TMEM170B: variants seen among roughly 807,000 people sequenced by gnomAD.
The protein encoded by TMEM170B is transmembrane protein 170B.
A neutral mutation model predicts 13.0 loss-of-function variants in TMEM170B; 6 were observed. The observed-to-expected ratio is 0.46, with a 90% CI of 0.25 to 0.91. The LOEUF (loss-of-function observed/expected upper bound fraction) is 0.91. Among genes scored for constraint, TMEM170B ranks in the 40% least tolerant of loss-of-function variants. The pLI is 0.17. For missense variants in TMEM170B, 138 were observed against 165.2 expected (o/e 0.84, Z 0.90); for synonymous variants, 61 against 64.9 (o/e 0.94, Z 0.29).
At chr6:11,574,775 C>T (rs1259012094) in intron 2 of TMEM170B, among the ~76,000 whole-genome samples, 1 of 152,084 alleles carries the variant, frequency 6.6e-6, no homozygotes, top group Non-Finnish European at 1.5e-5. Flanking sequence ...CAGAAGTGTA[C>T]ATTACCTAAG....
At chr6:11,556,766 C>G (rs958866793) in intron 1 of TMEM170B, among the ~76,000 whole-genome samples, 1 of 152,160 alleles carries the variant, frequency 6.6e-6, no homozygotes, top group Non-Finnish European at 1.5e-5. Flanking sequence ...CTACCCTTCC[C>G]TAAACTGGAG....
At chr6:11,566,826 G>C (rs773018965) in intron 2 of TMEM170B, among the ~76,000 whole-genome samples, 1 of 152,324 alleles carries the variant, frequency 6.6e-6, no homozygotes, top group African/African-American at 2.4e-5. Context: ...GCGAGCATGC[G>C]CAGTGTGTTT....
rs995741727 is a variant in TMEM170B, at chr6:11,537,969, G to T, written c.-309G>T. Among the ~76,000 whole-genome samples the T allele has an allele frequency of 6.6e-6, 1 of 151,388 alleles. No homozygotes were observed. The highest frequency in any genetic ancestry group is 1.5e-5 in the Non-Finnish European group (1 of 67,692). ...CTGCCCCTGAGAGGGAGCGGCGGCG[G>T]CCTCCTCCGCCCCGAGTCCTCGCTC... On this transcript the variant is annotated 5_prime_UTR_variant, in exon 1 of 3. Coordinates refer to ENST00000379426, the MANE Select transcript of TMEM170B (RefSeq NM_001100829.3).
chr6:11,554,898 T>C (rs1759569211), intron 1 of TMEM170B, among the ~76,000 whole-genome samples: 1 of 152,170 alleles, frequency 6.6e-6, no homozygotes, highest in Admixed American at 6.5e-5. Context: ...ATACAATTTA[T>C]TTTTAAGTCT....
chr6:11,559,830 A>G (rs987461346), intron 1 of TMEM170B, among the ~76,000 whole-genome samples: 14 of 152,032 alleles, frequency 9.2e-5, no homozygotes, highest in African/African-American at 2.7e-4. Flanking sequence ...ATAAAGAAAG[A>G]AAAAATATAT....
At chr6:11,551,473 C>T (rs1441414386) in intron 1 of TMEM170B, among the ~76,000 whole-genome samples, 1 of 152,080 alleles carries the variant, frequency 6.6e-6, no homozygotes, top group African/African-American at 2.4e-5. Flanking sequence ...AGACTAGGGG[C>T]ATCATAGCAG....
At chr6:11,548,259 G>A (rs1759466132) in intron 1 of TMEM170B, among the ~76,000 whole-genome samples, 2 of 152,112 alleles carry the variant, frequency 1.3e-5, no homozygotes, top group Admixed American at 1.3e-4. Flanking sequence ...TCAAAAAGTG[G>A]GCAAAGGATA....
chr6:11,559,598 G>T, intron 1 of TMEM170B, among the ~76,000 whole-genome samples: 1 of 152,274 alleles, frequency 6.6e-6, no homozygotes, highest in East Asian at 1.9e-4. Flanking sequence ...CCCTTGATCT[G>T]TATAGCACTT....
chr6:11,544,666 C>T (rs537522261), intron 1 of TMEM170B, among the ~76,000 whole-genome samples: 1 of 152,312 alleles, frequency 6.6e-6, no homozygotes, highest in Admixed American at 6.5e-5. Context: ...GTAGAGCATA[C>T]TAATCCCTCG....
rs540213847 is a variant in TMEM170B, at chr6:11,573,110, A to G, written c.269-2321A>G. Reference sequence around the variant, plus strand: ...ATCATCAGTTTGTTTTGCATATAGCAAATATTTTTCCAGTCTGTTCATTGA... The same window carrying G: ...ATCATCAGTTTGTTTTGCATATAGCGAATATTTTTCCAGTCTGTTCATTGA... On this transcript the variant is annotated intron_variant, in intron 2 of 2. Transcript: ENST00000379426. Among the ~76,000 whole-genome samples the G allele has an allele frequency of 2.0e-5, 3 of 152,288 alleles. No homozygotes were observed. The East Asian group carries it at 5.8e-4, about 29-fold the overall frequency.
chr6:11,562,365 A>C (rs2113775657), intron 1 of TMEM170B, among the ~76,000 whole-genome samples: 1 of 150,840 alleles, frequency 6.6e-6, no homozygotes, highest in Admixed American at 6.6e-5. Flanking sequence ...AGCCTCTAAA[A>C]GGCAAGTTTT....
intron 2 of TMEM170B, among the ~76,000 whole-genome samples, chr6:11,569,286 A>G (rs1759771009): frequency 6.6e-6 from 1 of 152,158 alleles, no homozygotes; most frequent in Non-Finnish European, 1.5e-5. Context: ...TACGGAGCAG[A>G]AATCCTTAGT....
At position 11,544,951 on chromosome 6, in the gene TMEM170B, T is replaced by G. The variant is rs542133127; in HGVS notation, c.97+6577T>G. ...TTTTAAAAAATCTACAATTAAATGTTTTTTTTTTGGCTTTACTTTTATTTT... is the reference window on the plus strand; with the variant it reads ...TTTTAAAAAATCTACAATTAAATGTGTTTTTTTTGGCTTTACTTTTATTTT... On this transcript the variant is annotated intron_variant, in intron 1 of 2. Coordinates refer to ENST00000379426, the MANE Select transcript of TMEM170B (RefSeq NM_001100829.3). Among the ~76,000 whole-genome samples the G allele has an allele frequency of 1.5e-3, 197 of 135,098 alleles. 2 individuals are homozygous for G. Among genetic ancestry groups the G allele is most frequent in the South Asian group, 8.1e-3 (32 of 3,956 alleles). The allele number at this position is 135,098 out of a possible 152,430, so 88.6% of individuals were successfully genotyped here. A position where few individuals can be genotyped will look rare whatever the true frequency, so the allele number is the denominator to read the frequency against.
At position 11,562,894 on chromosome 6, in the gene TMEM170B, CA is replaced by C. The variant is rs1167036379; in HGVS notation, c.98-2771del. Among the ~76,000 whole-genome samples the C allele has an allele frequency of 2.0e-5, 3 of 152,280 alleles. No homozygotes were observed. In the East Asian group the frequency reaches 5.8e-4, roughly 29 times the overall value. On this transcript the variant is annotated intron_variant, in intron 1 of 2. Transcript: ENST00000379426. ...ATCACTCATGTTGCTTTTTAATAAC[CA>C]TACCCTCCTTCCTTTTTAAGGAGTT...
At chr6:11,561,730 A>G (rs543149859) in intron 1 of TMEM170B, among the ~76,000 whole-genome samples, 8 of 152,348 alleles carry the variant, frequency 5.3e-5, no homozygotes, top group African/African-American at 1.9e-4. Flanking sequence ...AGAAAGAAAT[A>G]TAAAAGTAAA....
chr6:11,578,959 T>C lies in TMEM170B; in HGVS notation c.*3398T>C, dbSNP rs1030672014. 1 of 152,170 alleles carries C rather than the reference T, an allele frequency of 6.6e-6. No individual in the cohort carries two copies. The highest frequency in any genetic ancestry group is 2.4e-5 in the African/African-American group (1 of 41,422). The allele number at this position is 152,170 out of a possible 1,614,324, so 9.4% of individuals were successfully genotyped here. On this transcript the variant is annotated 3_prime_UTR_variant, in exon 3 of 3. Coordinates refer to ENST00000379426, the MANE Select transcript of TMEM170B (RefSeq NM_001100829.3). ...GCAAATAATTCTATTTTGTAAACAC[T>C]TCGTGTGGATCCACTATGTAAAGTG...
At chr6:11,566,896 A>G (rs1184518301) in intron 2 of TMEM170B, among the ~76,000 whole-genome samples, 2 of 152,182 alleles carry the variant, frequency 1.3e-5, no homozygotes, top group East Asian at 1.9e-4. Flanking sequence ...AATGCCCCCA[A>G]AGGTCATACT....
chr6:11,558,166 A>T (rs908941823), intron 1 of TMEM170B, among the ~76,000 whole-genome samples: 2 of 152,156 alleles, frequency 1.3e-5, no homozygotes, highest in African/African-American at 2.4e-5. Context: ...TTTTAAAAGG[A>T]GATATGATTC....
rs1759865585 is a variant in TMEM170B, at chr6:11,575,681, A to AT, written c.*121dup. ...GAATGTGGACTGAGCAGGTCAAAGCATAAGGAAGACCTTGAGCTGTGTGGA... is the reference window on the plus strand; with the variant it reads ...GAATGTGGACTGAGCAGGTCAAAGCATTAAGGAAGACCTTGAGCTGTGTGGA... On this transcript the variant is annotated 3_prime_UTR_variant, in exon 3 of 3. Transcript: ENST00000379426. The surrounding 1 kb of genome is among the most constrained non-coding windows in gnomAD (Gnocchi z 4.1). 5 of 1,254,886 alleles carry AT rather than the reference A, an allele frequency of 4.0e-6. No homozygotes were observed. The highest frequency in any genetic ancestry group is 5.6e-6 in the Non-Finnish European group (5 of 888,508). The allele number at this position is 1,254,886 out of a possible 1,614,324, so 77.7% of individuals were successfully genotyped here.
Sources: allele counts gnomAD v4.1 joint callset (sites outside exome capture counted in the v4.1 genomes callset), GRCh38; gene constraint gnomAD v4.1.1; non-coding constraint Gnocchi (gnomAD v3.1); transcripts MANE v1.5; gene names NCBI Gene and HGNC (gene_info 2026-07-23, HGNC 2026-07-21).